SLIT2: variants seen among roughly 807,000 people sequenced by gnomAD.
The protein encoded by SLIT2 is slit homolog 2 protein.
Under a neutral mutation model 185.7 loss-of-function variants are expected in SLIT2, and 41 were observed. That is an observed-to-expected ratio of 0.22 (90% CI 0.17 to 0.29). SLIT2 has a LOEUF of 0.29. Among genes scored for constraint, SLIT2 ranks in the 10% least tolerant of loss-of-function variants. SLIT2 has a pLI of 1.00. For missense variants in SLIT2, 1,571 were observed against 1,909.0 expected, an observed-to-expected ratio of 0.82 and a Z score of 3.30; for synonymous variants, 693 against 680.2, an observed-to-expected ratio of 1.02 and a Z score of -0.29.
At chr4:20,454,168 T>C (rs1196627787) in intron 4 of SLIT2, among the ~76,000 whole-genome samples, 4 of 152,218 alleles carry the variant, frequency 2.6e-5, no homozygotes, top group Admixed American at 2.6e-4. Flanking sequence ...CTCCCCAGTC[T>C]TCCCTGAGTT....
At chr4:20,416,179 C>T (rs1253294510) in intron 4 of SLIT2, among the ~76,000 whole-genome samples, 1 of 152,118 alleles carries the variant, frequency 6.6e-6, no homozygotes. Context: ...TAGCAAAATA[C>T]CACAGACTGG....
intron 12 of SLIT2, among the ~76,000 whole-genome samples, chr4:20,522,563 A>G (rs1392255800): frequency 1.3e-5 from 2 of 152,184 alleles, no homozygotes; most frequent in Non-Finnish European, 2.9e-5. Flanking sequence ...TGAGGAAAGT[A>G]GAGAGCAGAG....
At chr4:20,604,499 AC>A (rs1449079965) in intron 33 of SLIT2, among the ~76,000 whole-genome samples, 1 of 151,594 alleles carries the variant, frequency 6.6e-6, no homozygotes, top group Non-Finnish European at 1.5e-5. Context: ...ACAGGCGCTC[AC>A]CCCTACGCCT....
rs571755398 is a variant in SLIT2 at position 20,597,018 on chromosome 4, G to A, written c.3561+363G>A. Among the ~76,000 whole-genome samples the A allele has an allele frequency of 1.9e-3, 281 of 151,682 alleles. 1 individual carries two copies. The highest frequency in any genetic ancestry group is 5.1e-3 in the Admixed American group (77 of 15,230). ...ATCTGCAGCTAGGAAGGGTGCAGGC[G>A]AGAAAGAACACCTGGATTCAACCAC... On this transcript the variant is annotated intron_variant, in intron 32 of 36. Transcript: ENST00000504154.
intron 21 of SLIT2, among the ~76,000 whole-genome samples, chr4:20,544,023 T>C (rs188849895): frequency 1.1e-4 from 16 of 152,054 alleles, no homozygotes; most frequent in Admixed American, 8.5e-4. Flanking sequence ...GGGGCCTGTC[T>C]TGGTGTGGGG....
chr4:20,417,953 A>G (rs1727833713), intron 4 of SLIT2, among the ~76,000 whole-genome samples: 1 of 152,202 alleles, frequency 6.6e-6, no homozygotes, highest in Non-Finnish European at 1.5e-5. Flanking sequence ...ACTGTAGCCC[A>G]TAACTATCTT....
At chr4:20,339,682 A>G (rs1350506427) in intron 4 of SLIT2, among the ~76,000 whole-genome samples, 1 of 152,204 alleles carries the variant, frequency 6.6e-6, no homozygotes, top group East Asian at 1.9e-4. Flanking sequence ...TTTTGAAGAC[A>G]TTAACAAGAT....
intron 20 of SLIT2, among the ~76,000 whole-genome samples, 184 bp from the exon 21 acceptor site, chr4:20,542,310 C>A (rs1259452313): frequency 1.3e-5 from 2 of 152,156 alleles, no homozygotes; most frequent in Non-Finnish European, 2.9e-5. Context: ...CTTCCCTAGG[C>A]AGTCTGAAAA....
At chr4:20,399,954 G>A (rs1406358733) in intron 4 of SLIT2, among the ~76,000 whole-genome samples, 1 of 151,700 alleles carries the variant, frequency 6.6e-6, no homozygotes, top group Non-Finnish European at 1.5e-5. Context: ...AAAGATAAAT[G>A]CACTGACTGA....
chr4:20,468,770 T>G (rs7691135), intron 5 of SLIT2, among the ~76,000 whole-genome samples: 26,997 of 151,958 alleles, frequency 0.18, 2,802 homozygotes, highest in Non-Finnish European at 0.23. Flanking sequence ...ATTTAATATT[T>G]CTTAGCTAGT....
intron 22 of SLIT2, 56 bp downstream of exon 22, chr4:20,546,155 G>T: frequency 2.1e-6 from 2 of 931,984 alleles, no homozygotes; most frequent in East Asian, 2.6e-5. Context: ...AAATGGGGAT[G>T]GCAAGGGACA....
intron 23 of SLIT2, 46 bp from the exon 24 acceptor site, chr4:20,549,010 AT>A: frequency 8.9e-7 from 1 of 1,129,602 alleles, no homozygotes; most frequent in Non-Finnish European, 1.3e-6. Context: ...GTATTTGGCC[AT>A]TTTTGGATTT....
At chr4:20,560,683 G>A (rs1295108376) in intron 26 of SLIT2, among the ~76,000 whole-genome samples, 1 of 151,790 alleles carries the variant, frequency 6.6e-6, no homozygotes, top group Non-Finnish European at 1.5e-5. Flanking sequence ...AGCTATGGAG[G>A]CAACTAAATT....
In SLIT2 at chr4:20,585,573, C is replaced by T. The variant is rs184249715; in HGVS notation, c.3089-4071C>T. On this transcript the variant is annotated intron_variant, in intron 29 of 36. Transcript: ENST00000504154. ...AGGCTCATAGACACCAACATTTAAC[C>T]TATATTCAACCACATTGCCCCAAAC... Among the ~76,000 whole-genome samples, 414 of 152,334 alleles carry T rather than the reference C, an allele frequency of 2.7e-3. 4 individuals carry two copies. The highest frequency in any genetic ancestry group is 9.4e-3 in the African/African-American group (392 of 41,562).
intron 4 of SLIT2, among the ~76,000 whole-genome samples, chr4:20,413,393 A>G (rs1394556354): frequency 6.6e-6 from 1 of 152,096 alleles, no homozygotes; most frequent in East Asian, 1.9e-4. Context: ...TTCCAGGTGC[A>G]TATGGAATTA....
intron 5 of SLIT2, among the ~76,000 whole-genome samples, chr4:20,469,796 C>T (rs1313142281): frequency 3.6e-5 from 5 of 139,134 alleles, no homozygotes; most frequent in African/African-American, 1.1e-4. Context: ...CGCTCTCTCA[C>T]CCAGGCTGGA....
At chr4:20,314,991 A>G (rs1054208660) in intron 4 of SLIT2, among the ~76,000 whole-genome samples, 1 of 131,944 alleles carries the variant, frequency 7.6e-6, no homozygotes, top group Non-Finnish European at 1.6e-5. Context: ...TTGGAAAGCA[A>G]TCTGTATTAC....
At chr4:20,271,913 A>G (rs1044601817) in intron 4 of SLIT2, among the ~76,000 whole-genome samples, 3 of 152,110 alleles carry the variant, frequency 2.0e-5, no homozygotes, top group East Asian at 1.9e-4. Flanking sequence ...GCAATATAAA[A>G]GAAAAGGAGG....
At chr4:20,596,799 T>G in intron 32 of SLIT2, 144 bp downstream of exon 32, 1 of 694,214 alleles carries the variant, frequency 1.4e-6, no homozygotes, top group South Asian at 2.5e-5. Context: ...GTGGACAGCG[T>G]TAGTAATTTT....
Sources: gnomAD v4.1 joint callset for allele counts (sites outside exome capture counted in the v4.1 genomes callset) on GRCh38, gnomAD v4.1.1 for gene constraint, MANE v1.5 for transcripts, NCBI Gene and HGNC (gene_info 2026-07-23, HGNC 2026-07-21) for gene names.